Variants in LRRC73 observed in about 807,000 individuals in gnomAD.
LRRC73 encodes leucine rich repeat containing 73, also known as leucine-rich repeat-containing protein 73.
A neutral mutation model predicts 26.4 loss-of-function variants in LRRC73; 16 were observed. The ratio of observed to expected loss-of-function variants is 0.61; its 90% CI spans 0.41 to 0.92. The LOEUF (loss-of-function observed/expected upper bound fraction) is 0.92. Ranked by LOEUF, LRRC73 falls within the 40% of genes least tolerant of loss-of-function variation. The pLI is 0.00. For missense variants in LRRC73, 344 were observed against 416.3 expected (o/e 0.83, Z 1.51); for synonymous variants, 210 against 179.8 (o/e 1.17, Z -1.34).
intron 5 of LRRC73, 55 bp downstream of exon 5, chr6:43,507,401 C>A: frequency 6.2e-7 from 1 of 1,609,800 alleles, no homozygotes; most frequent in Non-Finnish European, 8.5e-7. Flanking sequence ...CACCCACTCT[C>A]CCTTGTCCCG....
chr6:43,509,042 G>C, intron 1 of LRRC73, 122 bp from the exon 2 acceptor site: 1 of 1,020,388 alleles, frequency 9.8e-7, no homozygotes, highest in Non-Finnish European at 1.4e-6. Context: ...TGAGAGGCCT[G>C]GAAAAGGAGA....
intron 4 of LRRC73, 68 bp from the exon 5 acceptor site, chr6:43,507,746 A>G: frequency 6.3e-7 from 1 of 1,586,368 alleles, no homozygotes; most frequent in South Asian, 1.1e-5. Context: ...TCAACCTGCC[A>G]TGCCTTAGGT....
intron 1 of LRRC73, among the ~76,000 whole-genome samples, 165 bp downstream of exon 1, chr6:43,509,349 T>A (rs1194568372): frequency 6.6e-6 from 1 of 152,126 alleles, no homozygotes; most frequent in African/African-American, 2.4e-5. Flanking sequence ...AGTCCAAGCA[T>A]GTGCTTGGAG....
chr6:43,507,652 G>A (rs1792535065), exon 5 of LRRC73: 1 of 1,614,118 alleles, frequency 6.2e-7, no homozygotes, highest in Non-Finnish European at 8.5e-7. Flanking sequence ...AAGCTGTGGG[G>A]TAATTTTCTA....
intron 1 of LRRC73, 131 bp from the exon 2 acceptor site, chr6:43,509,051 G>C (rs1353882206): frequency 3.2e-6 from 3 of 924,498 alleles, no homozygotes; most frequent in Non-Finnish European, 4.6e-6. Flanking sequence ...TGGAAAAGGA[G>C]AAGGAAAGTT....
chr6:43,508,269 C>T, intron 3 of LRRC73, 29 bp downstream of exon 3: 1 of 1,587,984 alleles, frequency 6.3e-7, no homozygotes, highest in Non-Finnish European at 8.6e-7. Context: ...GAGGCAGTGA[C>T]AGCCCAAGGG....
chr6:43,508,061 G>T, intron 3 of LRRC73, 135 bp from the exon 4 acceptor site: 1 of 993,302 alleles, frequency 1.0e-6, no homozygotes, highest in Non-Finnish European at 1.5e-6. Context: ...TGGTCAGGAA[G>T]GGATCATTGT....
chr6:43,509,681 C>G, exon 1 of LRRC73: 1 of 1,592,540 alleles, frequency 6.3e-7, no homozygotes, highest in East Asian at 2.3e-5. Context: ...GGCAGCCGCG[C>G]AGTGAGAGCA....
chr6:43,509,619 G>C (rs1337571565), exon 1 of LRRC73: 1 of 1,604,914 alleles, frequency 6.2e-7, no homozygotes, highest in African/African-American at 1.3e-5. Flanking sequence ...CGCCAGGGAC[G>C]TGGCCCCGGC....
chr6:43,509,797 C>T (rs771308415), exon 1 of LRRC73: 68 of 1,510,418 alleles, frequency 4.5e-5, no homozygotes, highest in Non-Finnish European at 5.6e-5. Flanking sequence ...GTGCCCACGG[C>T]TGGGCCTCCG....
chr6:43,508,326 G>A (rs1792567565), exon 3 of LRRC73: 12 of 1,613,354 alleles, frequency 7.4e-6, no homozygotes, highest in Non-Finnish European at 1.0e-5. Context: ...GATTGAGGAC[G>A]CGGACCTGGG....
At chr6:43,508,037 T>C (rs539190341) in intron 3 of LRRC73, 111 bp from the exon 4 acceptor site, 3 of 1,077,336 alleles carry the variant, frequency 2.8e-6, no homozygotes, top group Admixed American at 4.5e-5. Context: ...CAAGGAAACA[T>C]GGACAATTGG....
chr6:43,507,737 C>G lies in LRRC73; in HGVS notation c.658-59G>C. 8.2e-6 allele frequency: 13 copies of G among 1,585,726 alleles called. 1 individual carries two copies. The South Asian group carries it at 1.3e-4, about 16-fold the overall frequency. ...ACAGTTAAGGCAGGTCCTCAGACCTCAACCTGCCATGCCTTAGGTATGTCA... is the reference window on the plus strand; with the variant it reads ...ACAGTTAAGGCAGGTCCTCAGACCTGAACCTGCCATGCCTTAGGTATGTCA... On this transcript the variant is annotated intron_variant, in intron 4 of 5. Coordinates refer to ENST00000372441, the Ensembl canonical transcript of LRRC73.
exon 5 of LRRC73, chr6:43,507,575 A>G: frequency 2.5e-6 from 4 of 1,613,856 alleles, no homozygotes; most frequent in Non-Finnish European, 3.4e-6. Context: ...TCCCTCAGAG[A>G]GGAGGTCACA....
chr6:43,508,458 G>C, intron 2 of LRRC73, 38 bp from the exon 3 acceptor site: 1 of 1,612,170 alleles, frequency 6.2e-7, no homozygotes, highest in Non-Finnish European at 8.5e-7. Flanking sequence ...AATAGGGAGG[G>C]TTAAGCCCTC....
At chr6:43,508,272 C>T (rs1397790076) in intron 3 of LRRC73, 26 bp downstream of exon 3, 2 of 1,596,070 alleles carry the variant, frequency 1.3e-6, no homozygotes, top group South Asian at 1.1e-5. Flanking sequence ...GCAGTGACAG[C>T]CCAAGGGGGT....
Position 43,508,929 on chromosome 6 carries a change from G to A in LRRC73, c.273-9C>T. ...GGGGGCTCCCATGCAGGCTGGAGGAGAGTGAGAGAGCAGGGTTACTGCAGT... is the reference window on the plus strand; with the variant it reads ...GGGGGCTCCCATGCAGGCTGGAGGAAAGTGAGAGAGCAGGGTTACTGCAGT... On this transcript the variant is annotated splice_polypyrimidine_tract_variant and intron_variant, in intron 1 of 5. Coordinates refer to ENST00000372441, the Ensembl canonical transcript of LRRC73. The A allele has an allele frequency of 1.3e-6, 2 of 1,585,702 alleles. No homozygotes were observed. Among genetic ancestry groups the A allele is most frequent in the Non-Finnish European group, 1.7e-6 (2 of 1,164,482 alleles).
chr6:43,507,167 G>T lies in LRRC73; in HGVS notation c.*71C>A. ...AGTTCCCTCCCAAGTCCCAGGGCCTGACCCTGATATCTGGGGCAAGGTGCT... is the reference window on the plus strand; with the variant it reads ...AGTTCCCTCCCAAGTCCCAGGGCCTTACCCTGATATCTGGGGCAAGGTGCT... On this transcript the variant is annotated 3_prime_UTR_variant, in exon 6 of 6. Transcript: ENST00000372441. 1.9e-6 allele frequency: 3 copies of T among 1,541,642 alleles called. No individual in the cohort carries two copies. In the South Asian group the frequency reaches 3.5e-5, roughly 18 times the overall value.
chr6:43,508,671 CAG>C, intron 2 of LRRC73, 87 bp downstream of exon 2: 2 of 1,507,722 alleles, frequency 1.3e-6, no homozygotes, highest in Non-Finnish European at 1.8e-6. Context: ...CCCACATCAT[CAG>C]AGCTCTGGGG....
Sources: gnomAD v4.1 joint callset for allele counts (sites outside exome capture counted in the v4.1 genomes callset) on GRCh38, gnomAD v4.1.1 for gene constraint, MANE v1.5 for transcripts, NCBI Gene and HGNC (gene_info 2026-07-23, HGNC 2026-07-21) for gene names.